The following ZMYND8 variants were observed in gnomAD, a reference collection of about 807,000 sequenced individuals.
ZMYND8 encodes the protein MYND-type zinc finger-containing chromatin reader ZMYND8.
A neutral mutation model predicts 140.8 loss-of-function variants in ZMYND8; 37 were observed. The ratio of observed to expected loss-of-function variants is 0.26; its 90% CI spans 0.20 to 0.35. The LOEUF (loss-of-function observed/expected upper bound fraction) is 0.35. Ranked by LOEUF, ZMYND8 falls within the 10% of genes least tolerant of loss-of-function variation. ZMYND8 has a pLI of 1.00. For missense variants in ZMYND8, 1,068 were observed against 1,570.0 expected, an observed-to-expected ratio of 0.68 and a Z score of 5.40; for synonymous variants, 592 against 597.1, an observed-to-expected ratio of 0.99 and a Z score of 0.12.
chr20:47,232,300 G>A (rs1033016661), intron 16 of ZMYND8, among the ~76,000 whole-genome samples: 1 of 152,100 alleles, frequency 6.6e-6, no homozygotes, highest in African/African-American at 2.4e-5. Flanking sequence ...CTTGAATCTG[G>A]GAGGAAGAGT....
chr20:47,311,899 A>G (rs1042936357), intron 2 of ZMYND8, among the ~76,000 whole-genome samples: 43 of 152,152 alleles, frequency 2.8e-4, no homozygotes, highest in African/African-American at 1.0e-3. Flanking sequence ...ACATAAACAC[A>G]GGTACACTTC....
intron 2 of ZMYND8, among the ~76,000 whole-genome samples, chr20:47,332,361 G>A (rs1157457138): frequency 6.6e-6 from 1 of 151,968 alleles, no homozygotes; most frequent in South Asian, 2.1e-4. Context: ...TACAGCAGTT[G>A]CTAGTAGGAA....
rs1036659562 is a variant in ZMYND8, at chr20:47,242,900, A to AT, written c.2284+3107dup. On this transcript the variant is annotated intron_variant, in intron 14 of 22. Transcript: ENST00000471951. ...ACCTGTAGCGGGAAAAAAAGGGTGA[A>AT]TTTTTTTTTAAAGGGTCAGCACCTG... Among the ~76,000 whole-genome samples the AT allele has an allele frequency of 1.3e-4, 20 of 151,954 alleles. No homozygotes were observed. In the East Asian group the frequency reaches 2.3e-3, roughly 18 times the overall value.
chr20:47,308,623 A>G (rs2078684952), intron 3 of ZMYND8, among the ~76,000 whole-genome samples: 1 of 152,124 alleles, frequency 6.6e-6, no homozygotes, highest in Admixed American at 6.5e-5. Flanking sequence ...TAATATCACT[A>G]TTTATGGCAT....
chr20:47,282,984 A>G (rs935372142), intron 9 of ZMYND8, among the ~76,000 whole-genome samples: 4 of 152,148 alleles, frequency 2.6e-5, no homozygotes, highest in Non-Finnish European at 5.9e-5. Flanking sequence ...GAAGAGATGC[A>G]AAGTATATTT....
Position 47,227,368 on chromosome 20 carries a change from G to A in ZMYND8, c.2938-87C>T. 4.6e-6 allele frequency: 6 copies of A among 1,291,444 alleles called. No individual in the cohort carries two copies. In the South Asian group the frequency reaches 4.8e-5, roughly 10 times the overall value. The allele number at this position is 1,291,444 out of a possible 1,614,324, so 80.0% of individuals were successfully genotyped here. ...GAAGCTCAACCACGGCTGGCTGTGA[G>A]GGGTATGGGAATCATGCTAACCTTC... On this transcript the variant is annotated intron_variant, in intron 17 of 22. Transcript: ENST00000471951.
At chr20:47,273,166 G>A (rs185873555) in intron 11 of ZMYND8, among the ~76,000 whole-genome samples, 2 of 152,260 alleles carry the variant, frequency 1.3e-5, no homozygotes, top group African/African-American at 2.4e-5. Flanking sequence ...GTCAAATTGG[G>A]CATATCACCT....
chr20:47,287,884 C>T (rs1015976745), intron 7 of ZMYND8, among the ~76,000 whole-genome samples: 4 of 151,802 alleles, frequency 2.6e-5, no homozygotes, highest in African/African-American at 9.7e-5. Flanking sequence ...ATTTTCTTCT[C>T]AGCTCCTCAA....
chr20:47,216,695 TA>T (rs2036173556), intron 21 of ZMYND8, among the ~76,000 whole-genome samples: 1 of 151,768 alleles, frequency 6.6e-6, no homozygotes, highest in African/African-American at 2.4e-5. Flanking sequence ...TAATCCCAGC[TA>T]CTCGGGAGGC....
At chr20:47,345,239 A>G (rs1372041530) in intron 2 of ZMYND8, among the ~76,000 whole-genome samples, 3 of 152,154 alleles carry the variant, frequency 2.0e-5, no homozygotes, top group Non-Finnish European at 4.4e-5. Flanking sequence ...ACCATCTGAG[A>G]TAAGTCTGAG....
At chr20:47,333,885 G>A in intron 2 of ZMYND8, among the ~76,000 whole-genome samples, 1 of 151,350 alleles carries the variant, frequency 6.6e-6, no homozygotes, top group East Asian at 1.9e-4. Flanking sequence ...TCCAGCCTGG[G>A]TGACAAAGTG....
At chr20:47,230,296 GTT>G (rs532411881) in intron 16 of ZMYND8, among the ~76,000 whole-genome samples, 2 of 142,684 alleles carry the variant, frequency 1.4e-5, no homozygotes, top group Admixed American at 7.0e-5. Flanking sequence ...TTTTTTTGTT[GTT>G]TTTTTTTTTT....
At chr20:47,258,375 T>C (rs2074913332) in intron 12 of ZMYND8, among the ~76,000 whole-genome samples, 1 of 152,248 alleles carries the variant, frequency 6.6e-6, no homozygotes, top group South Asian at 2.1e-4. Flanking sequence ...AGATATTACC[T>C]ACTTTAAAGG....
intron 2 of ZMYND8, 131 bp from the exon 3 acceptor site, chr20:47,310,335 G>T: frequency 9.5e-7 from 1 of 1,055,568 alleles, no homozygotes. Flanking sequence ...CCACTTCAGT[G>T]TTCCTCCTCC....
At chr20:47,255,398 T>G (rs2074517477) in intron 12 of ZMYND8, among the ~76,000 whole-genome samples, 1 of 151,674 alleles carries the variant, frequency 6.6e-6, no homozygotes, top group African/African-American at 2.4e-5. Flanking sequence ...TTTAAGAACT[T>G]CTTTTTCCAT....
chr20:47,340,352 A>G (rs1386451675), intron 2 of ZMYND8, among the ~76,000 whole-genome samples: 1 of 152,182 alleles, frequency 6.6e-6, no homozygotes, highest in Non-Finnish European at 1.5e-5. Context: ...CATGGTGCGC[A>G]CTTACAGTCC....
At chr20:47,329,219 A>G (rs2080728127) in intron 2 of ZMYND8, among the ~76,000 whole-genome samples, 1 of 152,184 alleles carries the variant, frequency 6.6e-6, no homozygotes, top group Non-Finnish European at 1.5e-5. Flanking sequence ...CAGCATGCAC[A>G]ACAAATCCAT....
chr20:47,249,544 G>A, intron 12 of ZMYND8, 105 bp from the exon 13 acceptor site: 1 of 1,459,964 alleles, frequency 6.8e-7, no homozygotes, highest in Non-Finnish European at 9.2e-7. Context: ...AGAACATGGG[G>A]GAGGGGGAGA....
rs1433289415 is a variant in ZMYND8, at chr20:47,211,028, A to T, written c.3569-131T>A. 10 of 1,240,726 alleles carry T rather than the reference A, an allele frequency of 8.1e-6. No individual in the cohort carries two copies. In the East Asian group the frequency reaches 2.4e-4, roughly 30 times the overall value. 76.9% of individuals were successfully genotyped at this position (1,240,726 alleles called of 1,614,324 possible). A position where few individuals can be genotyped will look rare whatever the true frequency, so the allele number is the denominator to read the frequency against. Reference sequence around the variant, plus strand: ...CCCAATTGATGGTTCAAACACTGCCACCGCTGACTGCCCTGCATCTGTGGG... The same window carrying T: ...CCCAATTGATGGTTCAAACACTGCCTCCGCTGACTGCCCTGCATCTGTGGG... On this transcript the variant is annotated intron_variant, in intron 22 of 22. Coordinates refer to ENST00000471951, the MANE Select transcript of ZMYND8 (RefSeq NM_001281775.3).
Sources: allele counts gnomAD v4.1 joint callset (sites outside exome capture counted in the v4.1 genomes callset), GRCh38; gene constraint gnomAD v4.1.1; transcripts MANE v1.5; gene names NCBI Gene and HGNC (gene_info 2026-07-23, HGNC 2026-07-21).